UNC13C: variants seen among roughly 807,000 people sequenced by gnomAD.
UNC13C encodes the protein protein unc-13 homolog C.
Under a neutral mutation model 245.4 loss-of-function variants are expected in UNC13C, and 174 were observed. That is an observed-to-expected ratio of 0.71 (90% confidence interval 0.63 to 0.80). The LOEUF is 0.80. UNC13C is among the 30% of genes least tolerant of loss of function. UNC13C has a pLI of 0.00. For missense variants in UNC13C, 2,829 were observed against 2,602.9 expected (o/e 1.09, Z -1.89); for synonymous variants, 992 against 895.1 (o/e 1.11, Z -1.93).
chr15:53,854,648 G>T, the UNC13C span, among the ~76,000 whole-genome samples: 43 of 152,206 alleles, frequency 2.8e-4, no homozygotes, highest in African/African-American at 9.9e-4. Context: ...TGTTCCATTG[G>T]TTTATGTGTC....
chr15:54,141,082 A>C (rs541363595), intron 2 of UNC13C, among the ~76,000 whole-genome samples: 2 of 152,206 alleles, frequency 1.3e-5, no homozygotes, highest in Non-Finnish European at 2.9e-5. Context: ...GGAGATAATG[A>C]ATATAAAGTA....
At chr15:53,948,342 T>C in the UNC13C span, 5 of 152,194 alleles carry the variant, frequency 3.3e-5, no homozygotes, top group Admixed American at 6.5e-5. Flanking sequence ...GAGCTACCGG[T>C]GCAGAGGCTC....
the UNC13C span, among the ~76,000 whole-genome samples, chr15:53,934,111 G>A: frequency 6.6e-6 from 1 of 152,116 alleles, no homozygotes; most frequent in East Asian, 1.9e-4. Context: ...GAGTGAGGGA[G>A]GTGCCACATA....
intron 7 of UNC13C, among the ~76,000 whole-genome samples, chr15:54,247,706 G>T (rs779885769): frequency 9.3e-5 from 14 of 150,996 alleles, no homozygotes; most frequent in Non-Finnish European, 1.5e-4. Context: ...TAAATATTGG[G>T]ATTTGTTTCA....
At chr15:54,177,173 A>G (rs1567070941) in intron 4 of UNC13C, among the ~76,000 whole-genome samples, 3 of 152,286 alleles carry the variant, frequency 2.0e-5, no homozygotes, top group Middle Eastern at 3.4e-3. Flanking sequence ...TACCATGCGC[A>G]TGTGTAGCAG....
At chr15:54,311,734 C>T (rs1396487521) in intron 13 of UNC13C, among the ~76,000 whole-genome samples, 1 of 151,614 alleles carries the variant, frequency 6.6e-6, no homozygotes, top group African/African-American at 2.4e-5. Flanking sequence ...AATTACTTGT[C>T]AGTAATACAT....
chr15:54,256,768 A>C (rs1596095027), intron 8 of UNC13C, among the ~76,000 whole-genome samples: 1 of 152,332 alleles, frequency 6.6e-6, no homozygotes, highest in Non-Finnish European at 1.5e-5. Context: ...GCATTCCCTG[A>C]GGATAAAAGA....
intron 29 of UNC13C, among the ~76,000 whole-genome samples, chr15:54,555,727 A>T (rs902837973): frequency 3.3e-5 from 5 of 151,970 alleles, no homozygotes; most frequent in African/African-American, 1.2e-4. Context: ...TGCCAGATTT[A>T]CCCCTGTCTA....
At chr15:53,912,750 T>TGG in the UNC13C span, 2 of 140,006 alleles carry the variant, frequency 1.4e-5, no homozygotes, top group Non-Finnish European at 3.2e-5. Flanking sequence ...TACCGTTTAC[T>TGG]GGGGGGCGGC....
chr15:53,934,011 T>C, the UNC13C span, among the ~76,000 whole-genome samples: 1 of 152,168 alleles, frequency 6.6e-6, no homozygotes, highest in African/African-American at 2.4e-5. Context: ...GCCAGGCAAC[T>C]GCATGGCTTC....
intron 10 of UNC13C, among the ~76,000 whole-genome samples, chr15:54,276,293 G>A (rs1267280847): frequency 3.9e-5 from 6 of 152,060 alleles, no homozygotes; most frequent in Non-Finnish European, 7.4e-5. Flanking sequence ...GCAGCTAATT[G>A]TATTTTAGTT....
chr15:54,240,635 G>T lies in UNC13C; in HGVS notation c.3228+2945G>T, dbSNP rs746310937. On this transcript the variant is annotated intron_variant, in intron 7 of 32. Transcript: ENST00000260323. ...GCTGGCCATGGGTGAAGCATCGCCA[G>T]TGCCCCCATCCATCACCAACTCCAC... 3.3e-5 allele frequency among the ~76,000 whole-genome samples: 5 copies of T among 152,250 alleles called. No homozygotes were observed. The Middle Eastern group carries it at 0.017, about 518-fold the overall frequency.
chr15:54,188,878 A>G (rs2034085074), intron 4 of UNC13C, among the ~76,000 whole-genome samples: 1 of 152,352 alleles, frequency 6.6e-6, no homozygotes. Flanking sequence ...TTTCCAAATC[A>G]GAGCTTATCT....
chr15:54,319,550 A>G (rs1406611743), intron 13 of UNC13C, among the ~76,000 whole-genome samples: 1 of 151,950 alleles, frequency 6.6e-6, no homozygotes, highest in Non-Finnish European at 1.5e-5. Flanking sequence ...ATTCTTAAAG[A>G]TGCACCTTTA....
At chr15:54,557,207 G>C (rs369322391) in intron 29 of UNC13C, among the ~76,000 whole-genome samples, 1 of 151,880 alleles carries the variant, frequency 6.6e-6, no homozygotes, top group African/African-American at 2.4e-5. Context: ...TCCAGGACTG[G>C]AGTCTGACTC....
the UNC13C span, among the ~76,000 whole-genome samples, chr15:53,971,549 G>A: frequency 7.9e-5 from 12 of 152,158 alleles, no homozygotes; most frequent in East Asian, 3.9e-4. Flanking sequence ...AAAAATGGAA[G>A]TATTTTTATT....
intron 2 of UNC13C, among the ~76,000 whole-genome samples, chr15:54,016,793 G>T (rs1177847582): frequency 1.3e-5 from 2 of 152,074 alleles, no homozygotes; most frequent in South Asian, 4.1e-4. Flanking sequence ...GGAATAGTCT[G>T]TTACTATCTA....
intron 1 of UNC13C, among the ~76,000 whole-genome samples, chr15:54,004,237 C>T (rs960443046): frequency 6.6e-6 from 1 of 151,284 alleles, no homozygotes; most frequent in East Asian, 1.9e-4. Context: ...ATTTCCAGAT[C>T]CCACAAATAA....
At chr15:54,297,230 A>G (rs1169620971) in intron 11 of UNC13C, among the ~76,000 whole-genome samples, 2 of 152,222 alleles carry the variant, frequency 1.3e-5, no homozygotes, top group East Asian at 3.8e-4. Flanking sequence ...ACACAGAAAT[A>G]TATGAGAATT....
Sources: gnomAD v4.1 joint callset for allele counts (sites outside exome capture counted in the v4.1 genomes callset) on GRCh38, gnomAD v4.1.1 for gene constraint, MANE v1.5 for transcripts, NCBI Gene and HGNC (gene_info 2026-07-23, HGNC 2026-07-21) for gene names.